The following IGSF21 variants were observed in gnomAD, a reference collection of about 807,000 sequenced individuals.
The protein encoded by IGSF21 is immunoglobulin superfamily member 21.
In IGSF21, 28 loss-of-function variants were observed where a neutral mutation model predicts 46.8. That is an observed-to-expected ratio of 0.60 (90% CI 0.44 to 0.82). The LOEUF is 0.82. IGSF21 is among the 40% of genes least tolerant of loss of function. The pLI is 0.00. For synonymous variants in IGSF21, 284 were observed against 273.6 expected (o/e 1.04, Z -0.38); for missense variants, 624 against 665.5 (o/e 0.94, Z 0.69).
At chr1:18,201,371 C>G (rs1056561639) in intron 1 of IGSF21, among the ~76,000 whole-genome samples, 2 of 152,208 alleles carry the variant, frequency 1.3e-5, no homozygotes, top group Admixed American at 1.3e-4. Context: ...ATGGTAGGAG[C>G]AGAATCGTGG....
intron 2 of IGSF21, among the ~76,000 whole-genome samples, chr1:18,271,438 C>T (rs60227794): frequency 0.021 from 3,265 of 152,262 alleles, 109 homozygotes; most frequent in African/African-American, 0.063. Context: ...TTGTCTAAAC[C>T]TATCCAGATT....
At chr1:18,201,602 C>T (rs1208951782) in intron 1 of IGSF21, among the ~76,000 whole-genome samples, 2 of 152,130 alleles carry the variant, frequency 1.3e-5, no homozygotes, top group African/African-American at 4.8e-5. Context: ...GGACACCAGG[C>T]ATGGCCCCAG....
At chr1:18,261,913 A>C (rs964463074) in intron 2 of IGSF21, among the ~76,000 whole-genome samples, 1 of 152,208 alleles carries the variant, frequency 6.6e-6, no homozygotes, top group Non-Finnish European at 1.5e-5. Flanking sequence ...AAAGGGAAGA[A>C]AGCCAGTGAA....
intron 1 of IGSF21, 81 bp from the exon 2 acceptor site, chr1:18,227,816 TG>T: frequency 1.1e-6 from 1 of 941,666 alleles, no homozygotes; most frequent in Non-Finnish European, 1.7e-6. Context: ...CTCTGTCTGC[TG>T]TCTCCCTGGC....
intron 3 of IGSF21, among the ~76,000 whole-genome samples, chr1:18,310,480 T>C (rs879076727): frequency 6.6e-6 from 1 of 152,262 alleles, no homozygotes; most frequent in Admixed American, 6.5e-5. Context: ...CTTATTAGTT[T>C]ATTTACCTAT....
At position 18,321,798 on chromosome 1, in the gene IGSF21, G is replaced by T. The variant is rs187494054; in HGVS notation, c.306-13094G>T. On this transcript the variant is annotated intron_variant, in intron 3 of 9. Transcript: ENST00000251296. ...TGAGGAGGACACAGACATTTGGACC[G>T]TAGCAGGTATCAGCTCTGGAGCCTG... 2.1e-3 allele frequency among the ~76,000 whole-genome samples: 316 copies of T among 152,296 alleles called. 1 individual carries two copies. The highest frequency in any genetic ancestry group is 3.1e-3 in the Non-Finnish European group (209 of 68,024).
At chr1:18,196,869 C>A (rs887849761) in intron 1 of IGSF21, among the ~76,000 whole-genome samples, 1 of 152,128 alleles carries the variant, frequency 6.6e-6, no homozygotes, top group Admixed American at 6.5e-5. Context: ...CAGTAAGACA[C>A]CCTTCTATGC....
intron 1 of IGSF21, among the ~76,000 whole-genome samples, chr1:18,179,669 C>A (rs1160118747): frequency 6.6e-6 from 1 of 152,014 alleles, no homozygotes; most frequent in African/African-American, 2.4e-5. Flanking sequence ...ATGCTTGAGC[C>A]AGGGAAGCAG....
intron 1 of IGSF21, among the ~76,000 whole-genome samples, chr1:18,160,640 G>A (rs892800352): frequency 4.6e-5 from 7 of 152,002 alleles, no homozygotes; most frequent in African/African-American, 1.2e-4. Context: ...CACTCAGAGC[G>A]TGCTCATTCG....
At chr1:18,269,941 A>G (rs2085026839) in intron 2 of IGSF21, among the ~76,000 whole-genome samples, 1 of 152,080 alleles carries the variant, frequency 6.6e-6, no homozygotes, top group Non-Finnish European at 1.5e-5. Flanking sequence ...AGTATGTTAG[A>G]AGCATCCTTC....
intron 1 of IGSF21, among the ~76,000 whole-genome samples, chr1:18,149,590 G>A (rs11261097): frequency 0.19 from 28,537 of 151,854 alleles, 2,869 homozygotes; most frequent in Middle Eastern, 0.31. Context: ...TGAGCCACTC[G>A]TGCATGAGCT....
At position 18,119,172 on chromosome 1, in the gene IGSF21, C is replaced by A. The variant is rs560153836; in HGVS notation, c.70+10974C>A. The stretch of plus-strand genomic sequence containing the variant: ...TCCCTCCTTCCTTCCTTCTCTGGCT[C>A]TTGTTCATTTATGCAGCAGATATTT... On this transcript the variant is annotated intron_variant, in intron 1 of 9. Coordinates refer to ENST00000251296, the MANE Select transcript of IGSF21 (RefSeq NM_032880.5). Among the ~76,000 whole-genome samples the A allele has an allele frequency of 2.0e-5, 3 of 152,208 alleles. No homozygotes were observed. In the South Asian group the frequency reaches 6.2e-4, roughly 32 times the overall value.
chr1:18,262,897 C>T lies in IGSF21; in HGVS notation c.184-28969C>T, dbSNP rs115985162. Among the ~76,000 whole-genome samples, 749 of 152,326 alleles carry T rather than the reference C, an allele frequency of 4.9e-3. 5 individuals carry two copies. Among genetic ancestry groups the T allele is most frequent in the Non-Finnish European group, 6.7e-3 (458 of 68,032 alleles). On this transcript the variant is annotated intron_variant, in intron 2 of 9. Transcript: ENST00000251296. ...CATTTCCAGGGGTGGTTGGCAACTG[C>T]AACTGCACACTGAATGCCGTGGGAA...
intron 2 of IGSF21, among the ~76,000 whole-genome samples, chr1:18,255,037 C>A: frequency 6.6e-6 from 1 of 152,182 alleles, no homozygotes; most frequent in Non-Finnish European, 1.5e-5. Flanking sequence ...GGGATAGGTG[C>A]TTTGAAGCCA....
At chr1:18,183,462 T>C (rs1310806459) in intron 1 of IGSF21, among the ~76,000 whole-genome samples, 1 of 152,184 alleles carries the variant, frequency 6.6e-6, no homozygotes, top group Non-Finnish European at 1.5e-5. Flanking sequence ...GGAACAATGA[T>C]AACCTTGTGC....
chr1:18,189,020 C>G (rs2086930457), intron 1 of IGSF21, among the ~76,000 whole-genome samples: 2 of 152,284 alleles, frequency 1.3e-5, no homozygotes, highest in East Asian at 3.9e-4. Flanking sequence ...TGGGCTCACC[C>G]TGGGTGAGGA....
chr1:18,268,099 ATG>A (rs1396435017), intron 2 of IGSF21, among the ~76,000 whole-genome samples: 4 of 152,266 alleles, frequency 2.6e-5, no homozygotes, highest in African/African-American at 7.2e-5. Context: ...TAATCAATGC[ATG>A]CAGAATGCAG....
At chr1:18,359,079 T>C (rs1417394562) in intron 4 of IGSF21, among the ~76,000 whole-genome samples, 11 of 151,704 alleles carry the variant, frequency 7.3e-5, no homozygotes, top group African/African-American at 2.7e-4. Context: ...GCTTGGACAA[T>C]ATAGCAAGAC....
intron 4 of IGSF21, among the ~76,000 whole-genome samples, chr1:18,345,832 C>T (rs1010249498): frequency 6.6e-6 from 1 of 152,118 alleles, no homozygotes; most frequent in Admixed American, 6.5e-5. Flanking sequence ...TAAAATGTGC[C>T]CAAGGACACA....
Sources: allele counts gnomAD v4.1 joint callset (sites outside exome capture counted in the v4.1 genomes callset), GRCh38; gene constraint gnomAD v4.1.1; transcripts MANE v1.5; gene names NCBI Gene and HGNC (gene_info 2026-07-23, HGNC 2026-07-21).